XKR9: variants seen among roughly 807,000 people sequenced by gnomAD.
The protein encoded by XKR9 is XK related 9, also known as XK-related protein 9.
A neutral mutation model predicts 32.0 loss-of-function variants in XKR9; 32 were observed. The observed-to-expected ratio is 1.00, with a 90% CI of 0.76 to 1.34. XKR9 has a LOEUF of 1.34. Among genes scored for constraint, XKR9 ranks in the 40% most tolerant of loss-of-function variants. XKR9 has a pLI of 0.00. For missense variants in XKR9, 546 were observed against 429.7 expected (o/e 1.27, Z -2.39); for synonymous variants, 168 against 143.4 (o/e 1.17, Z -1.22).
intron 2 of XKR9, among the ~76,000 whole-genome samples, chr8:70,773,348 G>GGATTCTGCCTGCAAGAGGCTA (rs1401706915): frequency 3.3e-5 from 5 of 152,182 alleles, no homozygotes; most frequent in African/African-American, 1.2e-4. Flanking sequence ...TGTCAATGAT[G>GGATTCTGCCTGCAAGAGGCTA]GATTCTGCCT....
chr8:70,910,633 A>G, the XKR9 span, among the ~76,000 whole-genome samples: 2 of 152,196 alleles, frequency 1.3e-5, no homozygotes, highest in African/African-American at 2.4e-5. Context: ...TTAGTTTTCT[A>G]TTGCTGCCAT....
chr8:70,699,086 G>C (rs184926872), intron 3 of XKR9, among the ~76,000 whole-genome samples: 1 of 151,980 alleles, frequency 6.6e-6, no homozygotes, highest in Non-Finnish European at 1.5e-5. Flanking sequence ...GTCTCTGCAC[G>C]TGAGATGGGT....
intron 2 of XKR9, among the ~76,000 whole-genome samples, chr8:70,755,398 C>T (rs1320179704): frequency 6.6e-6 from 1 of 152,188 alleles, no homozygotes; most frequent in African/African-American, 2.4e-5. Flanking sequence ...ACCCAGCCAC[C>T]TCATTACTGG....
the XKR9 span, among the ~76,000 whole-genome samples, chr8:70,895,800 C>A: frequency 8.8e-6 from 1 of 113,842 alleles, no homozygotes. Context: ...GCCTGGGCAA[C>A]ATGGCAAAAC....
chr8:70,942,097 G>T, the XKR9 span, among the ~76,000 whole-genome samples: 1 of 151,976 alleles, frequency 6.6e-6, no homozygotes, highest in Admixed American at 6.6e-5. Context: ...TTTCTATTTG[G>T]GAATGTACTG....
the XKR9 span, among the ~76,000 whole-genome samples, chr8:71,018,452 A>G: frequency 6.6e-6 from 1 of 152,236 alleles, no homozygotes; most frequent in African/African-American, 2.4e-5. Flanking sequence ...AAGTTCTGAA[A>G]TACATGTCTA....
chr8:70,756,453 G>T lies in XKR9; in HGVS notation n.353-32886G>T, dbSNP rs1807227852. 2.0e-5 allele frequency among the ~76,000 whole-genome samples: 3 copies of T among 152,068 alleles called. No individual in the cohort carries two copies. The South Asian group carries it at 6.2e-4, about 32-fold the overall frequency. On this transcript the variant is annotated intron_variant and non_coding_transcript_variant, in intron 2 of 3. Coordinates refer to the XKR9 transcript ENST00000520273. ...GCATTGAATCTATGGATCAGTTTGG[G>T]GAATATTGCTATTTAAGCAGTGTTG... is the stretch of plus-strand genomic sequence containing the variant.
intron 3 of XKR9, among the ~76,000 whole-genome samples, chr8:70,689,132 T>C (rs1819420730): frequency 6.6e-6 from 1 of 152,156 alleles, no homozygotes; most frequent in Non-Finnish European, 1.5e-5. Flanking sequence ...AGTCCTCTGA[T>C]ATTTAAGCAG....
chr8:70,872,702 T>A, the XKR9 span, among the ~76,000 whole-genome samples: 1 of 152,112 alleles, frequency 6.6e-6, no homozygotes, highest in African/African-American at 2.4e-5. Context: ...CTCTTGTTGC[T>A]CAGGCTGGAG....
downstream of XKR9, among the ~76,000 whole-genome samples, chr8:70,795,177 G>A (rs1305244135): frequency 2.6e-5 from 4 of 151,920 alleles, no homozygotes; most frequent in Non-Finnish European, 5.9e-5. Flanking sequence ...TCTCCTCTAT[G>A]TGTTCATAGG....
the XKR9 span, among the ~76,000 whole-genome samples, chr8:71,013,010 C>G: frequency 2.0e-4 from 30 of 152,256 alleles, no homozygotes; most frequent in South Asian, 6.2e-3. Context: ...GTGTTTAACC[C>G]CACCCTCCTC....
the XKR9 span, among the ~76,000 whole-genome samples, chr8:70,814,370 C>T: frequency 6.6e-5 from 10 of 151,602 alleles, no homozygotes; most frequent in Admixed American, 2.0e-4. Flanking sequence ...TGCAGCACAC[C>T]AACATTGCAC....
At chr8:70,950,551 GA>G in the XKR9 span, among the ~76,000 whole-genome samples, 1 of 152,170 alleles carries the variant, frequency 6.6e-6, no homozygotes, top group Non-Finnish European at 1.5e-5. Flanking sequence ...GACAGGACCA[GA>G]TCACACAGGG....
chr8:70,845,250 T>C, the XKR9 span, among the ~76,000 whole-genome samples: 1 of 152,338 alleles, frequency 6.6e-6, no homozygotes, highest in Admixed American at 6.5e-5. Context: ...TAAAGTGTCC[T>C]ACCCAACCAA....
the XKR9 span, among the ~76,000 whole-genome samples, chr8:70,864,498 A>C: frequency 6.6e-6 from 1 of 152,192 alleles, no homozygotes; most frequent in African/African-American, 2.4e-5. Context: ...AGATAAATAA[A>C]ACTTCACATA....
At chr8:70,691,872 C>A (rs780438620) in intron 3 of XKR9, among the ~76,000 whole-genome samples, 1 of 151,990 alleles carries the variant, frequency 6.6e-6, no homozygotes, top group Non-Finnish European at 1.5e-5. Context: ...GTTCTTTTTG[C>A]TTAGGATTGC....
chr8:70,730,077 C>T (rs1033002923), intron 4 of XKR9, among the ~76,000 whole-genome samples: 2 of 152,082 alleles, frequency 1.3e-5, no homozygotes, highest in Non-Finnish European at 2.9e-5. Context: ...AGGCAAAACC[C>T]TTTACTCTGA....
the XKR9 span, among the ~76,000 whole-genome samples, chr8:70,975,481 C>A: frequency 1.3e-5 from 2 of 152,200 alleles, no homozygotes; most frequent in Non-Finnish European, 2.9e-5. Flanking sequence ...TTTCCCAGCA[C>A]CATTTATTAA....
At chr8:70,727,998 C>T (rs781470557) in intron 4 of XKR9, among the ~76,000 whole-genome samples, 1 of 152,126 alleles carries the variant, frequency 6.6e-6, no homozygotes, top group Non-Finnish European at 1.5e-5. Context: ...TTTCTAATCT[C>T]GTGGCTAATT....
Sources: allele counts gnomAD v4.1 joint callset (sites outside exome capture counted in the v4.1 genomes callset), GRCh38; gene constraint gnomAD v4.1.1; transcripts MANE v1.5; gene names NCBI Gene and HGNC (gene_info 2026-07-23, HGNC 2026-07-21).